DYNC1LI1: variants seen among roughly 807,000 people sequenced by gnomAD.
DYNC1LI1 encodes the protein cytoplasmic dynein 1 light intermediate chain 1.
DYNC1LI1 carries 19 observed loss-of-function variants against 63.8 expected under a neutral mutation model. The ratio of observed to expected loss-of-function variants is 0.30; its 90% CI spans 0.21 to 0.44. The LOEUF (loss-of-function observed/expected upper bound fraction) is 0.44. Ranked by LOEUF, DYNC1LI1 falls within the 20% of genes least tolerant of loss-of-function variation. DYNC1LI1 has a pLI of 1.00. For synonymous variants in DYNC1LI1, 225 were observed against 232.3 expected, an observed-to-expected ratio of 0.97 and a Z score of 0.28; for missense variants, 565 against 630.2, an observed-to-expected ratio of 0.90 and a Z score of 1.11.
intron 10 of DYNC1LI1, 112 bp from the exon 11 acceptor site, chr3:32,529,772 T>C: frequency 1.1e-6 from 1 of 911,354 alleles, no homozygotes; most frequent in Non-Finnish European, 1.6e-6. Context: ...TACTGGTACT[T>C]TTACACTGCA....
intron 2 of DYNC1LI1, among the ~76,000 whole-genome samples, chr3:32,547,241 T>TCAAAA (rs113456328): frequency 0.058 from 8,814 of 152,120 alleles, 294 homozygotes; most frequent in South Asian, 0.082. Flanking sequence ...AGGCTCTGTC[T>TCAAAA]CAAAACAAAA....
rs540869142 is a variant in DYNC1LI1, at chr3:32,526,506, G to A, written c.*293C>T. Reference sequence around the variant, plus strand: ...TTTAAATAGCCTTTAGAATATGATCGATCACATGGCTGTATTTCAGATCTA... The same window carrying A: ...TTTAAATAGCCTTTAGAATATGATCAATCACATGGCTGTATTTCAGATCTA... On this transcript the variant is annotated 3_prime_UTR_variant, in exon 13 of 13. Transcript: ENST00000273130. 2.4e-5 allele frequency: 5 copies of A among 208,524 alleles called. No individual in the cohort carries two copies. The highest frequency in any genetic ancestry group is 1.1e-4 in the Admixed American group (2 of 18,262). The allele number at this position is 208,524 out of a possible 1,614,324, so 12.9% of individuals were successfully genotyped here. A position where few individuals can be genotyped will look rare whatever the true frequency, so the allele number is the denominator to read the frequency against.
At chr3:32,559,261 G>A (rs1184189574) in intron 2 of DYNC1LI1, among the ~76,000 whole-genome samples, 3 of 152,122 alleles carry the variant, frequency 2.0e-5, no homozygotes, top group South Asian at 4.2e-4. Flanking sequence ...GTGTGTGTGT[G>A]AGACAGGGCA....
intron 2 of DYNC1LI1, among the ~76,000 whole-genome samples, chr3:32,561,034 C>CA (rs1553619588): frequency 5.2e-4 from 27 of 51,920 alleles, no homozygotes; most frequent in African/African-American, 2.0e-3. Flanking sequence ...AAAAAAAAAA[C>CA]AAACAAAAAA....
chr3:32,543,901 C>T (rs1344328486), intron 4 of DYNC1LI1, among the ~76,000 whole-genome samples: 1 of 148,128 alleles, frequency 6.8e-6, no homozygotes, highest in Non-Finnish European at 1.5e-5. Context: ...CCTATGTCTA[C>T]AAAAAATAAA....
In DYNC1LI1 at chr3:32,545,940, G is replaced by A. The variant is rs1272183553; in HGVS notation, c.246C>T (p.Ser82=). ...CTATTCCCTGAATTTTTCTTATTAA[G>A]CTTGTTTTTCCAGCTCCATCTTCAC... ...LLGEDGAGKT[S]LIRKIQGIEE... The change falls in exon 3 of 13, where the codon AGC becomes AGT. Residue 82 remains serine (S), a synonymous_variant. Coordinates refer to ENST00000273130, the MANE Select transcript of DYNC1LI1 (RefSeq NM_016141.4). 1 of 1,610,714 alleles carries A rather than the reference G, an allele frequency of 6.2e-7. No homozygotes were observed. The highest frequency in any genetic ancestry group is 8.5e-7 in the Non-Finnish European group (1 of 1,177,818).
At position 32,529,992 on chromosome 3, in the gene DYNC1LI1, G is replaced by A. The variant is rs188623854; in HGVS notation, c.1185+292C>T. ...TTTATAATCTCAGGCAAGCCACAAC[G>A]TCCTCCCTAAGGTTCCCATTTCCTC... On this transcript the variant is annotated intron_variant, in intron 10 of 12. Coordinates refer to ENST00000273130, the MANE Select transcript of DYNC1LI1 (RefSeq NM_016141.4). Among the ~76,000 whole-genome samples, 62 of 152,214 alleles carry A rather than the reference G, an allele frequency of 4.1e-4. 1 individual carries two copies. The highest frequency in any genetic ancestry group is 3.4e-3 in the Middle Eastern group (1 of 294).
Position 32,541,221 on chromosome 3 carries a change from A to G in DYNC1LI1, c.569-15T>C. On this transcript the variant is annotated splice_polypyrimidine_tract_variant and intron_variant, in intron 4 of 12. Coordinates refer to ENST00000273130, the MANE Select transcript of DYNC1LI1 (RefSeq NM_016141.4). ...GTCTCTAATCACTGAAAATCAAAGTAAACACAATTTAGAAATTGCTTCATT... is the reference window on the plus strand; with the variant it reads ...GTCTCTAATCACTGAAAATCAAAGTGAACACAATTTAGAAATTGCTTCATT... 1 of 1,542,704 alleles carries G rather than the reference A, an allele frequency of 6.5e-7. No homozygotes were observed. The highest frequency in any genetic ancestry group is 8.8e-7 in the Non-Finnish European group (1 of 1,140,606).
chr3:32,562,717 G>C (rs1698209643), intron 2 of DYNC1LI1, among the ~76,000 whole-genome samples: 1 of 152,072 alleles, frequency 6.6e-6, no homozygotes, highest in South Asian at 2.1e-4. Context: ...TTCCAATTTT[G>C]AGAGGAAAGT....
At chr3:32,537,860 AT>A (rs1425112900) in intron 5 of DYNC1LI1, among the ~76,000 whole-genome samples, 3 of 113,104 alleles carry the variant, frequency 2.7e-5, no homozygotes, top group Admixed American at 1.3e-4. Flanking sequence ...CTGCTATGTA[AT>A]TTTTTTGTTA....
chr3:32,535,825 T>C lies in DYNC1LI1; in HGVS notation c.833-1179A>G, dbSNP rs57430119. Reference sequence around the variant, plus strand: ...TTCTTTTAAAATCAACTGGCTCTAATGGTCTCTATTTTGGTAGAAAGCTTC... The same window carrying C: ...TTCTTTTAAAATCAACTGGCTCTAACGGTCTCTATTTTGGTAGAAAGCTTC... On this transcript the variant is annotated intron_variant, in intron 6 of 12. Transcript: ENST00000273130. Among the ~76,000 whole-genome samples the C allele has an allele frequency of 7.5e-3, 1,139 of 152,316 alleles. 7 individuals are homozygous for C. The highest frequency in any genetic ancestry group is 0.026 in the African/African-American group (1,081 of 41,570).
chr3:32,547,340 A>T (rs761608804), intron 2 of DYNC1LI1, among the ~76,000 whole-genome samples: 23 of 152,208 alleles, frequency 1.5e-4, no homozygotes, highest in Non-Finnish European at 2.6e-4. Context: ...GTTACTGTTC[A>T]TGGACTTATT....
At chr3:32,566,181 A>G (rs1024867095) in intron 2 of DYNC1LI1, among the ~76,000 whole-genome samples, 2 of 152,128 alleles carry the variant, frequency 1.3e-5, no homozygotes, top group African/African-American at 4.8e-5. Context: ...CTGAGGCAGG[A>G]GGACGGTTTG....
chr3:32,555,953 A>AG (rs1698109149), intron 2 of DYNC1LI1, among the ~76,000 whole-genome samples: 1 of 152,218 alleles, frequency 6.6e-6, no homozygotes, highest in African/African-American at 2.4e-5. Flanking sequence ...GTAAGATGTG[A>AG]GAAAAAAACC....
chr3:32,564,276 T>C (rs1364171935), intron 2 of DYNC1LI1, among the ~76,000 whole-genome samples: 3 of 152,224 alleles, frequency 2.0e-5, no homozygotes, highest in Non-Finnish European at 2.9e-5. Context: ...ATCGTGCCAG[T>C]GTACTACAGC....
chr3:32,535,642 C>T (rs1235486413), intron 6 of DYNC1LI1, among the ~76,000 whole-genome samples: 1 of 152,108 alleles, frequency 6.6e-6, no homozygotes, highest in Non-Finnish European at 1.5e-5. Flanking sequence ...ATGCTCTTCC[C>T]CACAATGAAA....
At chr3:32,527,447 CAG>C (rs1220828230) in intron 12 of DYNC1LI1, among the ~76,000 whole-genome samples, 3 of 150,510 alleles carry the variant, frequency 2.0e-5, no homozygotes, top group Admixed American at 1.3e-4. Flanking sequence ...AACGGTAAAA[CAG>C]AAAATAGCAA....
intron 8 of DYNC1LI1, chr3:32,532,487 G>GTATATATATATATATATATAGATATATA (rs140866478): frequency 8.0e-6 from 1 of 125,366 alleles, no homozygotes; most frequent in South Asian, 2.6e-4. Context: ...AAAAATGTGT[G>GTATATATATATATATATATAGATATATA]TATATATATA....
chr3:32,565,713 G>T (rs371552627), intron 2 of DYNC1LI1, among the ~76,000 whole-genome samples: 1 of 152,022 alleles, frequency 6.6e-6, no homozygotes, highest in Non-Finnish European at 1.5e-5. Flanking sequence ...TGGTTCAAGC[G>T]AGTCTCCTGC....
Sources: gnomAD v4.1 joint callset for allele counts (sites outside exome capture counted in the v4.1 genomes callset) on GRCh38, gnomAD v4.1.1 for gene constraint, MANE v1.5 for transcripts, NCBI Gene and HGNC (gene_info 2026-07-23, HGNC 2026-07-21) for gene names.